Variants in NCAPG observed in about 807,000 individuals in gnomAD.
NCAPG encodes the protein non-SMC condensin I complex subunit G, also known as condensin complex subunit 3.
NCAPG carries 69 observed loss-of-function variants against 113.1 expected under a neutral mutation model. That is an observed-to-expected ratio of 0.61 (90% confidence interval 0.50 to 0.75). NCAPG has a LOEUF of 0.75. Ranked by LOEUF, NCAPG falls within the 30% of genes least tolerant of loss-of-function variation. The pLI, the probability that NCAPG is intolerant of heterozygous loss-of-function variation, is 0.00. For synonymous variants in NCAPG, 370 were observed against 415.8 expected (o/e 0.89, Z 1.34); for missense variants, 1,058 against 1,177.0 (o/e 0.90, Z 1.48).
In NCAPG at chr4:17,828,367, G is replaced by C. The variant is rs3795243; in HGVS notation, c.1743G>C (p.Met581Ile). The change falls in exon 12 of 21, where the codon ATG (methionine) becomes ATC (isoleucine). Residue 581 changes from methionine to isoleucine, a missense_variant. Transcript: ENST00000251496. The stretch of plus-strand genomic sequence containing the variant: ...TTTCAACAGGCTTAAGTGCAACCAT[G>C]AATGGAATCATCGAATCTTTGGTAT... The part of the protein sequence containing the change: ...MSISTGLSAT[M>I]NGIIESLILP... 0.13 allele frequency: 202,725 copies of C among 1,601,994 alleles called. 14,173 individuals carry two copies. The highest frequency in any genetic ancestry group is 0.23 in the South Asian group (20,381 of 89,826).
rs761710022 is a variant in NCAPG, at chr4:17,815,263, T to C, written c.691-11T>C. ...TGAGGTTAATGACCATCTTTATAAA[T>C]TATTTTTAAGGTTTTAGCTGAAAAG... On this transcript the variant is annotated splice_polypyrimidine_tract_variant and intron_variant, in intron 4 of 20. Coordinates refer to ENST00000251496, the MANE Select transcript of NCAPG (RefSeq NM_022346.5). 1 of 1,591,552 alleles carries C rather than the reference T, an allele frequency of 6.3e-7. No homozygotes were observed. Among genetic ancestry groups the C allele is most frequent in the African/African-American group, 1.4e-5 (1 of 73,716 alleles).
intron 7 of NCAPG, among the ~76,000 whole-genome samples, chr4:17,819,746 C>G (rs955022439): frequency 4.6e-5 from 7 of 151,258 alleles, no homozygotes; most frequent in African/African-American, 1.7e-4. Flanking sequence ...AATTATGGAC[C>G]TGAATTATCT....
chr4:17,828,742 A>G (rs1185979245), intron 12 of NCAPG, among the ~76,000 whole-genome samples: 1 of 152,098 alleles, frequency 6.6e-6, no homozygotes, highest in Admixed American at 6.5e-5. Flanking sequence ...AGACAATCAC[A>G]TTTTATGCCC....
At chr4:17,819,697 G>T (rs1360619801) in intron 7 of NCAPG, among the ~76,000 whole-genome samples, 6 of 152,158 alleles carry the variant, frequency 3.9e-5, no homozygotes, top group African/African-American at 1.4e-4. Flanking sequence ...ACAGCGCCCA[G>T]CCTGATGTAT....
In NCAPG at chr4:17,825,524, CAG is replaced by C. The variant is rs1177146649; in HGVS notation, c.1619_1620del (p.Glu540AlafsTer3). 1.9e-6 allele frequency: 3 copies of C among 1,597,060 alleles called. No individual in the cohort carries two copies. Among genetic ancestry groups the C allele is most frequent in the Non-Finnish European group, 2.6e-6 (3 of 1,175,562 alleles). ...GCCAGAATAAACCTTTTGAAAGAGA[CAG>C]AGCAACTTGAAATTAAAGAAGTCCA... is the stretch of plus-strand genomic sequence containing the variant. On this transcript the variant is annotated frameshift_variant, in exon 11 of 21. Coordinates refer to ENST00000251496, the MANE Select transcript of NCAPG (RefSeq NM_022346.5). LOFTEE classifies it high-confidence loss of function.
chr4:17,841,064 G>A (rs1351587525), intron 19 of NCAPG: 1 of 153,452 alleles, frequency 6.5e-6, no homozygotes, highest in Non-Finnish European at 1.4e-5. Flanking sequence ...TCTGGGCTTT[G>A]TTTTCCTTCT....
intron 20 of NCAPG, chr4:17,843,048 C>CT (rs1488284521): frequency 7.8e-6 from 2 of 254,940 alleles, no homozygotes; most frequent in African/African-American, 2.2e-5. Context: ...AAGTTTGTGG[C>CT]TTTTTTTCCT....
rs763937210 is a variant in NCAPG at position 17,825,061 on chromosome 4, A to G, written c.1473+4A>G. 1.4e-5 allele frequency: 22 copies of G among 1,606,786 alleles called. No individual in the cohort carries two copies. Among genetic ancestry groups the G allele is most frequent in the Admixed American group, 1.7e-5 (1 of 59,504 alleles). On this transcript the variant is annotated splice_donor_region_variant and intron_variant, in intron 10 of 20. Coordinates refer to ENST00000251496, the MANE Select transcript of NCAPG (RefSeq NM_022346.5). ...TGTAAGAAAGAAAGAACTCAAGGTA[A>G]GTCTCTTTTAAATGAAAGAAGTGCT... is the stretch of plus-strand genomic sequence containing the variant.
At chr4:17,837,016 CTTTTT>C (rs1722126445) in intron 14 of NCAPG, 138 bp from the exon 15 acceptor site, 1 of 631,672 alleles carries the variant, frequency 1.6e-6, no homozygotes, top group African/African-American at 1.9e-5. Context: ...AAGAAACAGT[CTTTTT>C]ATTTGCCTTT....
chr4:17,818,022 A>T lies in NCAPG; in HGVS notation c.1052A>T (p.Asp351Val). The T allele has an allele frequency of 6.2e-7, 1 of 1,613,652 alleles. No individual in the cohort carries two copies. The highest frequency in any genetic ancestry group is 8.5e-7 in the Non-Finnish European group (1 of 1,179,820). Residue 351 changes from aspartate to valine, a missense_variant, in exon 7 of 21, where the codon GAT becomes GTT. Transcript: ENST00000251496. ...ALCEYLKSKG[D>V]EGEEFLEQIL... The stretch of plus-strand genomic sequence containing the variant: ...TGTGAATATTTGAAATCAAAAGGAG[A>T]TGAAGGTGAAGAATTTTTAGAGCAG...
chr4:17,814,630 A>G (rs1284615995), intron 3 of NCAPG, among the ~76,000 whole-genome samples: 1 of 151,926 alleles, frequency 6.6e-6, no homozygotes, highest in African/African-American at 2.4e-5. Flanking sequence ...TATTTTGTAG[A>G]GACAGGGGTC....
At chr4:17,842,287 T>C in intron 19 of NCAPG, 23 bp from the exon 20 acceptor site, 1 of 1,603,882 alleles carries the variant, frequency 6.2e-7, no homozygotes, top group Non-Finnish European at 8.5e-7. Flanking sequence ...TAAATCCTGA[T>C]AATGAATTAT....
chr4:17,830,454 C>A (rs927552994), intron 12 of NCAPG, among the ~76,000 whole-genome samples: 1 of 150,812 alleles, frequency 6.6e-6, no homozygotes, highest in Admixed American at 6.6e-5. Flanking sequence ...GTACAAAGAA[C>A]AGAAGGTAAC....
rs34483824 is a variant in NCAPG at position 17,821,457 on chromosome 4, C to CTT, written c.1119-1505_1119-1504dup. On this transcript the variant is annotated intron_variant, in intron 7 of 20. Coordinates refer to ENST00000251496, the MANE Select transcript of NCAPG (RefSeq NM_022346.5). ...GTAACTTGGTTTTTGTCACCCCCGC[C>CTT]TTTTTTTTTTTTTTTTTTTTTTAAG... 9.0e-4 allele frequency among the ~76,000 whole-genome samples: 94 copies of CTT among 104,486 alleles called. 1 individual carries two copies. The highest frequency in any genetic ancestry group is 6.5e-3 in the Middle Eastern group (1 of 154). 68.5% of individuals were successfully genotyped at this position (104,486 alleles called of 152,430 possible).
In NCAPG at chr4:17,844,184, CT is replaced by C. The variant is rs1373936608; in HGVS notation, c.*761del. 2 of 152,104 alleles carry C rather than the reference CT, an allele frequency of 1.3e-5. No individual in the cohort carries two copies. Among genetic ancestry groups the C allele is most frequent in the Admixed American group, 6.6e-5 (1 of 15,220 alleles). The allele number at this position is 152,104 out of a possible 1,614,324, so 9.4% of individuals were successfully genotyped here. On this transcript the variant is annotated 3_prime_UTR_variant, in exon 21 of 21. Transcript: ENST00000251496. ...TAGTGGGAATATAATGTGACAGGAACTTCTCTTTATATACGCTACCAATTTA... is the reference window on the plus strand; with the variant it reads ...TAGTGGGAATATAATGTGACAGGAACTCTCTTTATATACGCTACCAATTTA...
chr4:17,839,955 T>G (rs550645668), intron 17 of NCAPG, 116 bp from the exon 18 acceptor site: 1 of 1,442,418 alleles, frequency 6.9e-7, no homozygotes, highest in Admixed American at 2.6e-5. Context: ...TGAAGTATTT[T>G]CTTCATAAAT....
At chr4:17,833,485 TTTGTTGTTG>T (rs11431250) in intron 13 of NCAPG, among the ~76,000 whole-genome samples, 17,096 of 148,364 alleles carry the variant, frequency 0.12, 1,100 homozygotes, top group South Asian at 0.24. Flanking sequence ...TATATATATT[TTTGTTGTTG>T]TTGTTGTTGT....
Position 17,817,346 on chromosome 4 carries a change from G to A in NCAPG, c.861G>A (p.Arg287=). 6.2e-7 allele frequency: 1 copy of A among 1,614,052 alleles called. No individual in the cohort carries two copies. Among genetic ancestry groups the A allele is most frequent in the Non-Finnish European group, 8.5e-7 (1 of 1,179,938 alleles). The part of the protein sequence containing the change: ...SEGNILELLH[R]LDVENSSEVA... The stretch of plus-strand genomic sequence containing the variant: ...GAAATATCTTAGAGTTGCTCCATCG[G>A]TTGGATGTAGAAAATTCTTCTGAAG... The change falls in exon 6 of 21, where the codon CGG becomes CGA. Residue 287 remains arginine, a synonymous_variant. Coordinates refer to ENST00000251496, the MANE Select transcript of NCAPG (RefSeq NM_022346.5).
At chr4:17,814,787 GTTATT>G in intron 3 of NCAPG, 61 bp from the exon 4 acceptor site, 1 of 1,496,770 alleles carries the variant, frequency 6.7e-7, no homozygotes, top group Non-Finnish European at 9.2e-7. Context: ...CAAAATGTGT[GTTATT>G]TTATGACTGT....
Sources: allele counts gnomAD v4.1 joint callset (sites outside exome capture counted in the v4.1 genomes callset), GRCh38; gene constraint gnomAD v4.1.1; transcripts MANE v1.5; gene names NCBI Gene and HGNC (gene_info 2026-07-23, HGNC 2026-07-21).